Variants in PCBD1 observed in about 807,000 individuals in gnomAD.
PCBD1 encodes the protein pterin-4-alpha-carbinolamine dehydratase.
Under a neutral mutation model 12.6 loss-of-function variants are expected in PCBD1, and 16 were observed. The ratio of observed to expected loss-of-function variants is 1.27; its 90% CI spans 0.86 to 1.93. PCBD1 has a LOEUF of 1.93. PCBD1 is among the 30% of genes most tolerant of loss of function. PCBD1 has a pLI of 0.00. For synonymous variants in PCBD1, 53 were observed against 50.2 expected (o/e 1.05, Z -0.23); for missense variants, 86 against 130.1 (o/e 0.66, Z 1.65).
intron 2 of PCBD1, 56 bp downstream of exon 2, chr10:70,885,742 G>A (rs551520939): frequency 2.0e-4 from 322 of 1,606,964 alleles, no homozygotes; most frequent in Non-Finnish European, 2.6e-4. Context: ...AACATGCTTT[G>A]TAAGGTGACC....
intron 2 of PCBD1, 38 bp downstream of exon 2, chr10:70,885,760 C>T: frequency 1.2e-6 from 2 of 1,612,662 alleles, no homozygotes; most frequent in South Asian, 1.1e-5. Flanking sequence ...ACCCCATCAG[C>T]CCGTCTCAGA....
At chr10:70,885,674 A>C (rs1020285191) in intron 2 of PCBD1, 124 bp downstream of exon 2, 2 of 1,250,020 alleles carry the variant, frequency 1.6e-6, no homozygotes, top group African/African-American at 3.0e-5. Context: ...CACAGTGCCC[A>C]AATAACTGGA....
chr10:70,886,005 G>A, intron 1 of PCBD1, 76 bp from the exon 2 acceptor site: 1 of 1,565,696 alleles, frequency 6.4e-7, no homozygotes, highest in Admixed American at 1.7e-5. Context: ...CAACCTTTAG[G>A]GGAACTTAGC....
At chr10:70,885,378 C>T (rs1846566320) in intron 2 of PCBD1, 146 bp from the exon 3 acceptor site, 1 of 715,708 alleles carries the variant, frequency 1.4e-6, no homozygotes, top group Admixed American at 2.0e-5. Flanking sequence ...CATCCTGTCA[C>T]TGGTTCTCAG....
chr10:70,883,520 T>A lies in PCBD1; in HGVS notation c.*430A>T, dbSNP rs1286854958. 1 of 1,092,602 alleles carries A rather than the reference T, an allele frequency of 9.2e-7. No individual in the cohort carries two copies. The highest frequency in any genetic ancestry group is 1.1e-6 in the Non-Finnish European group (1 of 892,742). 67.7% of individuals were successfully genotyped at this position (1,092,602 alleles called of 1,614,324 possible). A position where few individuals can be genotyped will look rare whatever the true frequency, so the allele number is the denominator to read the frequency against. On this transcript the variant is annotated 3_prime_UTR_variant, in exon 4 of 4. Transcript: ENST00000299299. ...TTCTAGAGCCTGAGACCAAGTGATATAATAGTTTTATTTGAGACATAAAAA... is the reference window on the plus strand; with the variant it reads ...TTCTAGAGCCTGAGACCAAGTGATAAAATAGTTTTATTTGAGACATAAAAA...
At chr10:70,883,308 A>G (rs1421990023), downstream of PCBD1, among the ~76,000 whole-genome samples, 1 of 152,222 alleles carries the variant, frequency 6.6e-6, no homozygotes, top group Non-Finnish European at 1.5e-5. Context: ...AATTGGTAAT[A>G]GTTAATTGTG....
chr10:70,885,751 C>T, intron 2 of PCBD1, 47 bp downstream of exon 2: 1 of 1,610,872 alleles, frequency 6.2e-7, no homozygotes, highest in Non-Finnish European at 8.5e-7. Context: ...TGTAAGGTGA[C>T]CCCATCAGCC....
chr10:70,883,822 G>A lies in PCBD1; in HGVS notation c.*128C>T. On this transcript the variant is annotated 3_prime_UTR_variant, in exon 4 of 4. Coordinates refer to ENST00000299299, the MANE Select transcript of PCBD1 (RefSeq NM_000281.4). ...TGGCACATCCCACAGCAAGGACTCA[G>A]CCCTCAACGGCGGCGGCTGGGTCTT... The A allele has an allele frequency of 1.3e-6, 2 of 1,534,188 alleles. No individual in the cohort carries two copies. Among genetic ancestry groups the A allele is most frequent in the South Asian group, 1.2e-5 (1 of 83,212 alleles).
chr10:70,888,388 G>T, intron 1 of PCBD1, 143 bp downstream of exon 1: 1 of 941,862 alleles, frequency 1.1e-6, no homozygotes, highest in Non-Finnish European at 1.4e-6. Context: ...GCGACAGAGA[G>T]CCGGGCAGAG....
chr10:70,885,521 T>C (rs1257951481), intron 2 of PCBD1, among the ~76,000 whole-genome samples: 1 of 152,258 alleles, frequency 6.6e-6, no homozygotes, highest in Non-Finnish European at 1.5e-5. Flanking sequence ...CAGATGTGCA[T>C]GGTTTCCACT....
Position 70,883,707 on chromosome 10 carries a change from A to T in PCBD1, c.*243T>A. 1 of 1,377,842 alleles carries T rather than the reference A, an allele frequency of 7.3e-7. No individual in the cohort carries two copies. The highest frequency in any genetic ancestry group is 2.8e-5 in the East Asian group (1 of 35,216). The allele number at this position is 1,377,842 out of a possible 1,614,324, so 85.4% of individuals were successfully genotyped here. On this transcript the variant is annotated 3_prime_UTR_variant, in exon 4 of 4. Transcript: ENST00000299299. ...TGCTGGGAAGTTGCAAAGAAAGGGG[A>T]GAGTTTATTCAAATTAGTGTAACAG...
intron 2 of PCBD1, among the ~76,000 whole-genome samples, chr10:70,885,580 G>A (rs1383577728): frequency 6.6e-6 from 1 of 152,218 alleles, no homozygotes; most frequent in Non-Finnish European, 1.5e-5. Context: ...GGAAGGGAGA[G>A]CCCAAGACAC....
intron 1 of PCBD1, among the ~76,000 whole-genome samples, chr10:70,887,207 C>T (rs756943676): frequency 1.3e-5 from 2 of 152,070 alleles, no homozygotes; most frequent in African/African-American, 2.4e-5. Context: ...AAGCAAATGT[C>T]ATCTGCATTA....
chr10:70,886,233 C>G (rs1233630827), intron 1 of PCBD1, among the ~76,000 whole-genome samples: 1 of 152,214 alleles, frequency 6.6e-6, no homozygotes, highest in Non-Finnish European at 1.5e-5. Flanking sequence ...ACTCTTCCCC[C>G]ACCCTGCCCT....
rs567490970 is a variant in PCBD1, at chr10:70,888,249, G to A, written c.3+282C>T. The A allele has an allele frequency of 8.8e-6, 3 of 340,572 alleles. No individual in the cohort carries two copies. The East Asian group carries it at 1.5e-4, about 17-fold the overall frequency. The allele number at this position is 340,572 out of a possible 1,614,324, so 21.1% of individuals were successfully genotyped here. A position where few individuals can be genotyped will look rare whatever the true frequency, so the allele number is the denominator to read the frequency against. ...TCTTCCCCGGCCCAGGAAGGTCGTA[G>A]GCCCCGCCCCCGGAAGGGTCCCGGA... On this transcript the variant is annotated intron_variant, in intron 1 of 3. Transcript: ENST00000299299.
chr10:70,882,942 C>G (rs1440476088), downstream of PCBD1, among the ~76,000 whole-genome samples: 1 of 148,034 alleles, frequency 6.8e-6, no homozygotes, highest in Admixed American at 6.9e-5. Context: ...CTAAAATGAT[C>G]CAATGAGTAT....
chr10:70,888,414 C>T, intron 1 of PCBD1, 117 bp downstream of exon 1: 3 of 1,211,982 alleles, frequency 2.5e-6, no homozygotes, highest in Non-Finnish European at 3.3e-6. Flanking sequence ...ACTTTCGGAC[C>T]CCGGCGGCTC....
chr10:70,887,220 A>G (rs551747092), intron 1 of PCBD1, among the ~76,000 whole-genome samples: 1 of 151,672 alleles, frequency 6.6e-6, no homozygotes, highest in South Asian at 2.1e-4. Flanking sequence ...CTGCATTACA[A>G]AAAAAAAACT....
intron 1 of PCBD1, among the ~76,000 whole-genome samples, chr10:70,886,628 A>G (rs1169386995): frequency 1.3e-5 from 2 of 152,236 alleles, no homozygotes; most frequent in Non-Finnish European, 2.9e-5. Context: ...TACCTCTAGT[A>G]GGTCCTCAGT....
Sources: gnomAD v4.1 joint callset for allele counts (sites outside exome capture counted in the v4.1 genomes callset) on GRCh38, gnomAD v4.1.1 for gene constraint, MANE v1.5 for transcripts, NCBI Gene and HGNC (gene_info 2026-07-23, HGNC 2026-07-21) for gene names.